Variants in OTOA observed in about 807,000 individuals in gnomAD.
OTOA encodes otoancorin.
Under a neutral mutation model 110.8 loss-of-function variants are expected in OTOA, and 70 were observed. The ratio of observed to expected loss-of-function variants is 0.63; its 90% CI spans 0.52 to 0.77. OTOA has a LOEUF of 0.77. Among genes scored for constraint, OTOA ranks in the 30% least tolerant of loss-of-function variants. OTOA has a pLI of 0.00. For synonymous variants in OTOA, 373 were observed against 431.5 expected (o/e 0.86, Z 1.68); for missense variants, 917 against 1,075.8 (o/e 0.85, Z 2.06).
chr16:21,705,122 G>A, intron 11 of OTOA, 47 bp from the exon 12 acceptor site: 1 of 1,614,086 alleles, frequency 6.2e-7, no homozygotes, highest in Non-Finnish European at 8.5e-7. Context: ...AGAATGGGCT[G>A]GTTCTGCGGT....
chr16:21,687,539 T>C lies in OTOA; in HGVS notation c.526T>C (p.Cys176Arg), dbSNP rs754919790. The C allele has an allele frequency of 6.2e-7, 1 of 1,613,886 alleles. No homozygotes were observed. The highest frequency in any genetic ancestry group is 8.5e-7 in the Non-Finnish European group (1 of 1,179,972). ...TTTCCAGATGCTGAACTCCCTGGAG[T>C]GTGTGGAGATCCTGGGCAAGGTGCT... ...RCFQMLNSLE[C>R]VEILGKVLRG... is the part of the protein sequence containing the mutation. Residue 176 changes from cysteine to arginine, a missense_variant, in exon 8 of 29, where the codon TGT (cysteine) becomes CGT (arginine). Coordinates refer to ENST00000646100, the MANE Select transcript of OTOA (RefSeq NM_144672.4).
Position 21,714,947 on chromosome 16 carries a change from G to A in OTOA, c.1321-38G>A, listed in dbSNP as rs776753909. On this transcript the variant is annotated intron_variant, in intron 13 of 28. Coordinates refer to ENST00000646100, the MANE Select transcript of OTOA (RefSeq NM_144672.4). ...AGTGCACGTTGGAGAGGTGAAAGGC[G>A]GGAGCAGAGCCTGACTGCGCAGCCG... is the stretch of plus-strand genomic sequence containing the variant. 22 of 1,612,918 alleles carry A rather than the reference G, an allele frequency of 1.4e-5. 1 individual carries two copies. Among genetic ancestry groups the A allele is most frequent in the African/African-American group, 4.0e-5 (3 of 74,912 alleles).
At chr16:21,717,133 A>C in intron 15 of OTOA, 86 bp downstream of exon 15, 1 of 1,561,272 alleles carries the variant, frequency 6.4e-7, no homozygotes, top group Non-Finnish European at 8.8e-7. Flanking sequence ...TTAATTTGAT[A>C]AAAGAAATTT....
At chr16:21,675,053 T>TTTTCTTTC (rs1203820212) in intron 1 of OTOA, among the ~76,000 whole-genome samples, 3 of 142,664 alleles carry the variant, frequency 2.1e-5, no homozygotes, top group African/African-American at 5.2e-5. Flanking sequence ...TGAGGTCATG[T>TTTTCTTTC]TTTCTTTCTG....
intron 6 of OTOA, among the ~76,000 whole-genome samples, chr16:21,683,172 G>C (rs1022407012): frequency 4.6e-5 from 7 of 152,134 alleles, no homozygotes; most frequent in Non-Finnish European, 8.8e-5. Context: ...TACCCACAAG[G>C]ACCTTTCATT....
rs148250863 is a variant in OTOA, at chr16:21,688,565, T to C, written c.635+917T>C. 9.9e-4 allele frequency among the ~76,000 whole-genome samples: 150 copies of C among 152,226 alleles called. 1 individual carries two copies. Among genetic ancestry groups the C allele is most frequent in the South Asian group, 7.1e-3 (34 of 4,814 alleles). ...CTGTGTGGCTAGTAAACAAGAAGCA[T>C]TTATTTCTCATGGTTCTGGAGGCTG... On this transcript the variant is annotated intron_variant, in intron 8 of 28. Transcript: ENST00000646100.
intron 12 of OTOA, 106 bp from the exon 13 acceptor site, chr16:21,709,782 C>G: frequency 1.0e-6 from 1 of 997,566 alleles, no homozygotes; most frequent in Non-Finnish European, 1.6e-6. Flanking sequence ...TTTGATGGAA[C>G]AGGGTCAAGG....
In OTOA at chr16:21,705,283, C is replaced by A. The variant is rs115543159; in HGVS notation, c.1095C>A (p.Gly365=). 1 of 1,613,868 alleles carries A rather than the reference C, an allele frequency of 6.2e-7. No individual in the cohort carries two copies. The highest frequency in any genetic ancestry group is 8.5e-7 in the Non-Finnish European group (1 of 1,180,016). ...KCSHLRGFQA[G]VQKLKAELLD... is the part of the protein sequence containing the mutation. ...GCCACCTGAGGGGCTTCCAGGCTGG[C>A]GTCCAGAAGGTACAGCTGGGGTGCA... The change falls in exon 12 of 29, where the codon GGC becomes GGA. Residue 365 remains glycine, a synonymous_variant. Transcript: ENST00000646100.
chr16:21,679,359 T>G, intron 5 of OTOA, 148 bp downstream of exon 5: 2 of 954,744 alleles, frequency 2.1e-6, no homozygotes, highest in Non-Finnish European at 3.2e-6. Flanking sequence ...ACAAACACCC[T>G]TGCTCCACGG....
intron 1 of OTOA, among the ~76,000 whole-genome samples, chr16:21,677,205 C>G (rs1044509202): frequency 1.3e-5 from 2 of 152,044 alleles, no homozygotes; most frequent in African/African-American, 4.8e-5. Context: ...TGCTTAAATA[C>G]CTAGGGGTGG....
At chr16:21,665,673 T>A (rs1240854263) in intron 1 of OTOA, among the ~76,000 whole-genome samples, 1 of 152,066 alleles carries the variant, frequency 6.6e-6, no homozygotes, top group Non-Finnish European at 1.5e-5. Flanking sequence ...TCTTTCCTTC[T>A]TTTCCTCATT....
rs544068852 is a variant in OTOA, at chr16:21,678,442, A to G, written c.-4-69A>G. 313 of 925,436 alleles carry G rather than the reference A, an allele frequency of 3.4e-4. 3 individuals carry two copies. In the South Asian group the frequency reaches 3.6e-3, roughly 11 times the overall value. The allele number at this position is 925,436 out of a possible 1,614,324, so 57.3% of individuals were successfully genotyped here. A position where few individuals can be genotyped will look rare whatever the true frequency, so the allele number is the denominator to read the frequency against. ...TATATGTTTATATACATGTATATAT[A>G]TGTGTGTGTGTGTATATATATATAT... On this transcript the variant is annotated intron_variant, in intron 1 of 28. Coordinates refer to ENST00000646100, the MANE Select transcript of OTOA (RefSeq NM_144672.4).
chr16:21,721,734 A>T (rs1024676890), intron 17 of OTOA, among the ~76,000 whole-genome samples: 3 of 152,090 alleles, frequency 2.0e-5, no homozygotes, highest in Non-Finnish European at 4.4e-5. Context: ...CTACAAAAAA[A>T]TACAAAAATT....
chr16:21,735,320 C>T (rs1173292168), intron 21 of OTOA, among the ~76,000 whole-genome samples: 1 of 151,738 alleles, frequency 6.6e-6, no homozygotes, highest in Non-Finnish European at 1.5e-5. Context: ...GGAGCAAGAG[C>T]GTGATGGGGG....
chr16:21,751,631 A>G lies in OTOA; in HGVS notation c.2776-304A>G, dbSNP rs1180325758. Among the ~76,000 whole-genome samples the G allele has an allele frequency of 1.9e-5, 2 of 107,894 alleles. 1 individual carries two copies. Among genetic ancestry groups the G allele is most frequent in the Non-Finnish European group, 4.2e-5 (2 of 47,786 alleles). The allele number at this position is 107,894 out of a possible 152,430, so 70.8% of individuals were successfully genotyped here. A position where few individuals can be genotyped will look rare whatever the true frequency, so the allele number is the denominator to read the frequency against. ...TGTATGTCCAAACTGTCTGAGGGTC[A>G]TAAGAGTGACTGAAGGAAATAAGCA... On this transcript the variant is annotated intron_variant, in intron 24 of 28. Coordinates refer to ENST00000646100, the MANE Select transcript of OTOA (RefSeq NM_144672.4).
intron 22 of OTOA, among the ~76,000 whole-genome samples, chr16:21,737,507 AGCCACTGCCCCCG>A (rs1255231828): frequency 1.6e-5 from 2 of 126,820 alleles, no homozygotes; most frequent in African/African-American, 2.8e-5. Flanking sequence ...TACAGGCGTG[AGCCACTGCCCCCG>A]GCCTAAAATT....
chr16:21,671,343 T>C (rs1966848728), intron 1 of OTOA, among the ~76,000 whole-genome samples: 1 of 151,572 alleles, frequency 6.6e-6, no homozygotes, highest in African/African-American at 2.4e-5. Context: ...TCTCAGCACT[T>C]TGGGAGGCCA....
chr16:21,683,547 C>G (rs1444081053), intron 6 of OTOA, among the ~76,000 whole-genome samples: 1 of 151,752 alleles, frequency 6.6e-6, no homozygotes. Flanking sequence ...AACAAACAAA[C>G]AAACAAAAAA....
rs1899292896 is a variant in OTOA at position 21,736,294 on chromosome 16, A to G, written c.2335A>G (p.Met779Val). 1.9e-6 allele frequency: 3 copies of G among 1,613,748 alleles called. No homozygotes were observed. The highest frequency in any genetic ancestry group is 3.3e-5 in the Admixed American group (2 of 59,988). Residue 779 changes from methionine (M) to valine (V), a missense_variant, in exon 22 of 29, where the codon ATG becomes GTG. Met to Val is a conservative substitution (Grantham distance 21). Coordinates refer to ENST00000646100, the MANE Select transcript of OTOA (RefSeq NM_144672.4). Reference protein sequence around the residue: ...PEILLQAASKMARTLPTKEFL... With the variant: ...PEILLQAASKVARTLPTKEFL... ...GATCCTTCTGCAAGCAGCTTCCAAG[A>G]TGGCCAGGACCCTGCCCACTAAAGA...
Sources: allele counts gnomAD v4.1 joint callset (sites outside exome capture counted in the v4.1 genomes callset), GRCh38; gene constraint gnomAD v4.1.1; transcripts MANE v1.5; gene names NCBI Gene and HGNC (gene_info 2026-07-23, HGNC 2026-07-21).